Variants in SLC25A25 observed in about 807,000 individuals in gnomAD.
SLC25A25 encodes the protein solute carrier family 25 member 25, also known as mitochondrial adenyl nucleotide antiporter SLC25A25.
SLC25A25 carries 32 observed loss-of-function variants against 57.7 expected under a neutral mutation model. The observed-to-expected ratio is 0.55, with a 90% CI of 0.42 to 0.74. SLC25A25 has a LOEUF of 0.74. SLC25A25 is among the 30% of genes least tolerant of loss of function. The probability of loss-of-function intolerance (pLI) is 0.00; values close to 1 mark genes in which losing one functional copy is unlikely to be tolerated. For synonymous variants in SLC25A25, 306 were observed against 291.2 expected (o/e 1.05, Z -0.52); for missense variants, 556 against 701.3 (o/e 0.79, Z 2.34).
intron 1 of SLC25A25, among the ~76,000 whole-genome samples, chr9:128,097,563 G>C (rs993286935): frequency 1.3e-5 from 2 of 152,190 alleles, no homozygotes; most frequent in Non-Finnish European, 2.9e-5. Context: ...CCAGTAGCTG[G>C]GATTACAGGC....
chr9:128,107,732 G>A lies in SLC25A25; in HGVS notation c.*288G>A. ...GTAAGGACAGGACATTTTCTGCAGT[G>A]CCTGCCAATAGCGAGCTTGGAGCCT... On this transcript the variant is annotated 3_prime_UTR_variant, in exon 11 of 11. Coordinates refer to ENST00000373069, the MANE Select transcript of SLC25A25 (RefSeq NM_001330988.2). The A allele has an allele frequency of 2.4e-6, 1 of 410,176 alleles. No individual in the cohort carries two copies. The highest frequency in any genetic ancestry group is 4.3e-6 in the Non-Finnish European group (1 of 232,552). The allele number at this position is 410,176 out of a possible 1,614,324, so 25.4% of individuals were successfully genotyped here. A position where few individuals can be genotyped will look rare whatever the true frequency, so the allele number is the denominator to read the frequency against.
Position 128,103,849 on chromosome 9 carries a change from GA to G in SLC25A25, c.783+14del. 6.4e-7 allele frequency: 1 copy of G among 1,555,194 alleles called. No individual in the cohort carries two copies. The stretch of plus-strand genomic sequence containing the variant: ...CAAGGTGCTCATGCAGGTATGTAGG[GA>G]AAAGGCCCCAGACCCCTGGGGGGCC... On this transcript the variant is annotated intron_variant, in intron 6 of 10. Transcript: ENST00000373069. This position sits in a 1 kb window ranked among gnomAD's most constrained non-coding sequence, Gnocchi z 6.7.
At chr9:128,070,753 A>T (rs1832887827) in intron 1 of SLC25A25, among the ~76,000 whole-genome samples, 1 of 151,284 alleles carries the variant, frequency 6.6e-6, no homozygotes. Context: ...GGAGTTTGAG[A>T]CCAGCCTGAC....
intron 1 of SLC25A25, among the ~76,000 whole-genome samples, chr9:128,085,552 C>T (rs533185312): frequency 6.4e-4 from 97 of 152,250 alleles, no homozygotes; most frequent in African/African-American, 2.3e-3. Flanking sequence ...AGGTGCTGGT[C>T]TAGGGAAGTT....
In SLC25A25 at chr9:128,105,158, C is replaced by CTT. The variant is rs11351573; in HGVS notation, c.784-544_784-543dup. Among the ~76,000 whole-genome samples, 144 of 29,182 alleles carry CTT rather than the reference C, an allele frequency of 4.9e-3. 10 individuals carry two copies. The highest frequency in any genetic ancestry group is 0.021 in the African/African-American group (133 of 6,282). The allele number at this position is 29,182 out of a possible 152,430, so 19.1% of individuals were successfully genotyped here. A position where few individuals can be genotyped will look rare whatever the true frequency, so the allele number is the denominator to read the frequency against. ...ACAGATGTGAGCCAACACTCCCGGC[C>CTT]TTTTTTTTTTTTTTTTTTTTTTTTT... On this transcript the variant is annotated intron_variant, in intron 6 of 10. Transcript: ENST00000373069.
Position 128,073,613 on chromosome 9 carries a change from G to A in SLC25A25, c.261+5033G>A, listed in dbSNP as rs1832949886. Reference sequence around the variant, plus strand: ...AGACATTATTCGCTATAATATAATGGCCCTTTAGGAAAAGAAAAATGCTTT... The same window carrying A: ...AGACATTATTCGCTATAATATAATGACCCTTTAGGAAAAGAAAAATGCTTT... On this transcript the variant is annotated intron_variant, in intron 1 of 10. Coordinates refer to ENST00000373069, the MANE Select transcript of SLC25A25 (RefSeq NM_001330988.2). 2.0e-5 allele frequency among the ~76,000 whole-genome samples: 3 copies of A among 152,128 alleles called. No homozygotes were observed. The South Asian group carries it at 6.2e-4, about 32-fold the overall frequency.
At chr9:128,078,549 C>T (rs1250204038) in intron 1 of SLC25A25, among the ~76,000 whole-genome samples, 1 of 152,180 alleles carries the variant, frequency 6.6e-6, no homozygotes, top group Non-Finnish European at 1.5e-5. Context: ...ACTCTATCTA[C>T]ACAAAAAGAC....
chr9:128,109,072 TC>T lies in SLC25A25; in HGVS notation c.*1630del, dbSNP rs950403914. 6.6e-6 allele frequency: 1 copy of T among 152,522 alleles called. No homozygotes were observed. Among genetic ancestry groups the T allele is most frequent in the Non-Finnish European group, 1.5e-5 (1 of 68,046 alleles). 9.4% of individuals were successfully genotyped at this position (152,522 alleles called of 1,614,324 possible). On this transcript the variant is annotated 3_prime_UTR_variant, in exon 11 of 11. Coordinates refer to ENST00000373069, the MANE Select transcript of SLC25A25 (RefSeq NM_001330988.2). ...CAACTGGCGACCTCACGGTTGCACTTCCATTCCACCAGAATGACCTGATGAG... is the reference window on the plus strand; with the variant it reads ...CAACTGGCGACCTCACGGTTGCACTTCATTCCACCAGAATGACCTGATGAG...
intron 1 of SLC25A25, among the ~76,000 whole-genome samples, chr9:128,089,477 G>T (rs976698825): frequency 6.6e-6 from 1 of 152,000 alleles, no homozygotes; most frequent in Non-Finnish European, 1.5e-5. Flanking sequence ...TGGAATTTGG[G>T]GTCTGGCTCC....
At chr9:128,098,438 AG>A in intron 1 of SLC25A25, 1 of 1,412,388 alleles carries the variant, frequency 7.1e-7, no homozygotes, top group Non-Finnish European at 9.2e-7. Context: ...ATTAAGTAAA[AG>A]GGCAGGGCTT....
At position 128,105,755 on chromosome 9, in the gene SLC25A25, G is replaced by A. The variant is rs769573706; in HGVS notation, c.810G>A (p.Met270Ile). The A allele has an allele frequency of 2.5e-6, 4 of 1,613,598 alleles. No individual in the cohort carries two copies. The highest frequency in any genetic ancestry group is 2.5e-6 in the Non-Finnish European group (3 of 1,180,052). ...MQVHASRSNN[M>I]GIVGGFTQMI... ...TCCATGCCTCCCGCAGCAACAACAT[G>A]GGCATCGTTGGTGGCTTCACTCAGA... The change falls in exon 7 of 11, where the codon ATG (methionine) becomes ATA (isoleucine). Residue 270 changes from methionine to isoleucine, a missense_variant. By Grantham distance (10) the Met-to-Ile change is conservative. Transcript: ENST00000373069.
intron 1 of SLC25A25, chr9:128,091,444 G>C: frequency 1.0e-6 from 1 of 985,952 alleles, no homozygotes. Flanking sequence ...GGATGCTCGG[G>C]TCCTCGGCTT....
chr9:128,070,084 ATTTTTTT>A (rs71381724), intron 1 of SLC25A25, among the ~76,000 whole-genome samples: 2 of 6,366 alleles, frequency 3.1e-4, no homozygotes, highest in South Asian at 8.9e-3. Flanking sequence ...CACCCAGCTA[ATTTTTTT>A]TTTTTTTTTT....
chr9:128,068,594 G>C lies in SLC25A25; in HGVS notation c.261+14G>C, dbSNP rs1306850093. ...GGCGAGCTCCAGGTAGGCTGCGCGC[G>C]TCCTCAGCACTGGCGGGGAGGGAGC... On this transcript the variant is annotated intron_variant, in intron 1 of 10. Transcript: ENST00000373069. 1 of 1,414,596 alleles carries C rather than the reference G, an allele frequency of 7.1e-7. No homozygotes were observed. Among genetic ancestry groups the C allele is most frequent in the Admixed American group, 2.9e-5 (1 of 34,964 alleles). The allele number at this position is 1,414,596 out of a possible 1,614,324, so 87.6% of individuals were successfully genotyped here. A position where few individuals can be genotyped will look rare whatever the true frequency, so the allele number is the denominator to read the frequency against.
chr9:128,106,557 C>G (rs1447692542), intron 9 of SLC25A25, 37 bp downstream of exon 9: 2 of 1,540,252 alleles, frequency 1.3e-6, no homozygotes. Flanking sequence ...AAACCTCCTC[C>G]CAGCACACCT....
chr9:128,079,773 A>T (rs1833105832), intron 1 of SLC25A25, among the ~76,000 whole-genome samples: 2 of 151,468 alleles, frequency 1.3e-5, no homozygotes, highest in African/African-American at 4.9e-5. Context: ...CGGGCGGATC[A>T]CGAGGTCAAG....
intron 1 of SLC25A25, among the ~76,000 whole-genome samples, chr9:128,075,787 T>C (rs139901188): frequency 0.022 from 3,274 of 152,174 alleles, 59 homozygotes; most frequent in South Asian, 0.07. Context: ...GAGGTTGCAG[T>C]GAGCCGAGAT....
At position 128,106,144 on chromosome 9, in the gene SLC25A25, T is replaced by C. The variant is rs746390444; in HGVS notation, c.937-6T>C. The C allele has an allele frequency of 3.7e-6, 6 of 1,614,188 alleles. No individual in the cohort carries two copies. In the South Asian group the frequency reaches 6.6e-5, roughly 18 times the overall value. On this transcript the variant is annotated splice_region_variant and splice_polypyrimidine_tract_variant and intron_variant, in intron 7 of 10. Transcript: ENST00000373069. ...TATCAGGTGGTTTGTTTGTTCCTGGTTCTAGATCAAGCGCCTTGTTGGTAG... is the reference window on the plus strand; with the variant it reads ...TATCAGGTGGTTTGTTTGTTCCTGGCTCTAGATCAAGCGCCTTGTTGGTAG...
intron 1 of SLC25A25, among the ~76,000 whole-genome samples, chr9:128,083,362 G>T (rs992879344): frequency 6.6e-6 from 1 of 151,908 alleles, no homozygotes; most frequent in Non-Finnish European, 1.5e-5. Context: ...GACCATATTG[G>T]CTGTGCCAGT....
Sources: gnomAD v4.1 joint callset for allele counts (sites outside exome capture counted in the v4.1 genomes callset) on GRCh38, gnomAD v4.1.1 for gene constraint, Gnocchi (gnomAD v3.1) non-coding constraint, MANE v1.5 for transcripts, NCBI Gene and HGNC (gene_info 2026-07-23, HGNC 2026-07-21) for gene names.